SLC24A2: variants seen among roughly 807,000 people sequenced by gnomAD.
SLC24A2 encodes solute carrier family 24 member 2.
A neutral mutation model predicts 62.0 loss-of-function variants in SLC24A2; 36 were observed. That is an observed-to-expected ratio of 0.58 (90% confidence interval 0.44 to 0.77). The LOEUF is 0.77. SLC24A2 is among the 30% of genes least tolerant of loss of function. The pLI is 0.00. For synonymous variants in SLC24A2, 358 were observed against 294.0 expected, an observed-to-expected ratio of 1.22 and a Z score of -2.23; for missense variants, 846 against 817.9, an observed-to-expected ratio of 1.03 and a Z score of -0.42.
the SLC24A2 span, among the ~76,000 whole-genome samples, chr9:20,177,043 T>C: frequency 5.0e-4 from 76 of 152,282 alleles, no homozygotes; most frequent in East Asian, 0.014. Context: ...GAAATGTCTA[T>C]TTTAAATTAT....
chr9:20,004,223 T>C, the SLC24A2 span, among the ~76,000 whole-genome samples: 418 of 152,296 alleles, frequency 2.7e-3, 3 homozygotes, highest in African/African-American at 9.2e-3. Flanking sequence ...TTCATAACCT[T>C]TGCTTCCCAA....
At chr9:19,771,979 A>G (rs544993328) in intron 2 of SLC24A2, among the ~76,000 whole-genome samples, 15 of 152,328 alleles carry the variant, frequency 9.8e-5, no homozygotes, top group African/African-American at 3.1e-4. Context: ...CTAAGGGCCC[A>G]GTACAGACAG....
the SLC24A2 span, among the ~76,000 whole-genome samples, chr9:20,154,319 A>T: frequency 6.6e-6 from 1 of 151,840 alleles, no homozygotes; most frequent in Non-Finnish European, 1.5e-5. Flanking sequence ...CTGGGTACTG[A>T]CAGCCTGGTG....
chr9:19,553,354 C>T (rs1483710165), intron 7 of SLC24A2, among the ~76,000 whole-genome samples: 1 of 152,090 alleles, frequency 6.6e-6, no homozygotes, highest in East Asian at 1.9e-4. Flanking sequence ...GACAACTCAC[C>T]CTTACCTCCT....
At chr9:19,982,332 G>A in the SLC24A2 span, among the ~76,000 whole-genome samples, 2 of 152,040 alleles carry the variant, frequency 1.3e-5, no homozygotes, top group Non-Finnish European at 2.9e-5. Context: ...GAGGTTGGTG[G>A]GTTTCTAAAA....
intron 2 of SLC24A2, among the ~76,000 whole-genome samples, chr9:19,715,494 T>C (rs1326914678): frequency 6.6e-6 from 1 of 152,228 alleles, no homozygotes; most frequent in South Asian, 2.1e-4. Flanking sequence ...GTGTATTAGC[T>C]TGTTCTTTGG....
chr9:19,823,565 G>A, the SLC24A2 span, among the ~76,000 whole-genome samples: 1 of 152,030 alleles, frequency 6.6e-6, no homozygotes, highest in Admixed American at 6.6e-5. Flanking sequence ...GGAGTTGGAG[G>A]TTGCAGTGAG....
the SLC24A2 span, among the ~76,000 whole-genome samples, chr9:20,053,764 G>A: frequency 1.3e-5 from 2 of 152,192 alleles, no homozygotes; most frequent in Non-Finnish European, 2.9e-5. Flanking sequence ...CCAGGGCCTA[G>A]ATCTTGGACT....
intron 7 of SLC24A2, among the ~76,000 whole-genome samples, chr9:19,566,253 TCAAA>T (rs1346793045): frequency 2.0e-5 from 3 of 148,584 alleles, no homozygotes; most frequent in African/African-American, 5.0e-5. Flanking sequence ...TACAATGAAC[TCAAA>T]CAAATTTACA....
chr9:20,164,034 A>C, the SLC24A2 span, among the ~76,000 whole-genome samples: 5 of 152,300 alleles, frequency 3.3e-5, no homozygotes, highest in East Asian at 9.7e-4. Context: ...AAACCCTAGA[A>C]GAAAACCTAG....
At chr9:19,817,888 T>C in the SLC24A2 span, among the ~76,000 whole-genome samples, 6 of 151,980 alleles carry the variant, frequency 3.9e-5, no homozygotes. Flanking sequence ...TACACCCTAC[T>C]ACATCCAGCT....
At chr9:20,116,601 A>T in the SLC24A2 span, among the ~76,000 whole-genome samples, 1 of 152,110 alleles carries the variant, frequency 6.6e-6, no homozygotes, top group Non-Finnish European at 1.5e-5. Context: ...TCTGTCTTTC[A>T]ATTACTAAAT....
At chr9:19,917,005 T>C in the SLC24A2 span, among the ~76,000 whole-genome samples, 1 of 133,426 alleles carries the variant, frequency 7.5e-6, no homozygotes, top group Admixed American at 7.4e-5. Context: ...TTTTTTTTTG[T>C]GCCTACATTT....
At chr9:20,243,627 T>C in the SLC24A2 span, among the ~76,000 whole-genome samples, 1 of 152,212 alleles carries the variant, frequency 6.6e-6, no homozygotes, top group African/African-American at 2.4e-5. Flanking sequence ...CTCTCAATTT[T>C]GTTATATATA....
intron 2 of SLC24A2, among the ~76,000 whole-genome samples, chr9:19,702,289 TAATG>T (rs1820378287): frequency 1.3e-5 from 2 of 152,190 alleles, no homozygotes; most frequent in Admixed American, 1.3e-4. Flanking sequence ...TTGTTTTTCA[TAATG>T]AAGAATAATG....
At chr9:20,140,637 C>A in the SLC24A2 span, among the ~76,000 whole-genome samples, 2 of 152,120 alleles carry the variant, frequency 1.3e-5, no homozygotes, top group African/African-American at 4.8e-5. Flanking sequence ...CTGTTCTGCA[C>A]CCCCTGAATT....
At chr9:20,172,704 A>T in the SLC24A2 span, among the ~76,000 whole-genome samples, 121 of 151,970 alleles carry the variant, frequency 8.0e-4, no homozygotes, top group African/African-American at 2.7e-3. Context: ...AACATGAAAT[A>T]AAAAAATTAC....
the SLC24A2 span, among the ~76,000 whole-genome samples, chr9:19,883,716 C>T: frequency 6.6e-6 from 1 of 152,092 alleles, no homozygotes; most frequent in Non-Finnish European, 1.5e-5. Flanking sequence ...CAGGTGCCCG[C>T]CACCATGCCT....
At chr9:19,703,934 A>C (rs1820431312) in intron 2 of SLC24A2, among the ~76,000 whole-genome samples, 1 of 152,210 alleles carries the variant, frequency 6.6e-6, no homozygotes, top group East Asian at 1.9e-4. Flanking sequence ...TCTCCTAAGG[A>C]AATAATGATG....
Sources: gnomAD v4.1 joint callset for allele counts (sites outside exome capture counted in the v4.1 genomes callset) on GRCh38, gnomAD v4.1.1 for gene constraint, MANE v1.5 for transcripts, NCBI Gene and HGNC (gene_info 2026-07-23, HGNC 2026-07-21) for gene names.